URB1: variants seen among roughly 807,000 people sequenced by gnomAD.
URB1 encodes the protein nucleolar pre-ribosomal-associated protein 1.
Under a neutral mutation model 242.3 loss-of-function variants are expected in URB1, and 197 were observed. The ratio of observed to expected loss-of-function variants is 0.81; its 90% CI spans 0.72 to 0.91. The LOEUF is 0.91. Among genes scored for constraint, URB1 ranks in the 40% least tolerant of loss-of-function variants. The pLI, the probability that URB1 is intolerant of heterozygous loss-of-function variation, is 0.00. For missense variants in URB1, 2,721 were observed against 2,860.5 expected, an observed-to-expected ratio of 0.95 and a Z score of 1.11; for synonymous variants, 1,153 against 1,201.8, an observed-to-expected ratio of 0.96 and a Z score of 0.84.
At chr21:32,369,316 T>C (rs2033381732) in intron 8 of URB1, among the ~76,000 whole-genome samples, 1 of 152,086 alleles carries the variant, frequency 6.6e-6, no homozygotes, top group Non-Finnish European at 1.5e-5. Flanking sequence ...TGAGCTGAGA[T>C]TGCACCACTG....
intron 13 of URB1, 30 bp downstream of exon 13, chr21:32,360,977 G>A: frequency 6.8e-7 from 1 of 1,479,632 alleles, no homozygotes; most frequent in Non-Finnish European, 9.2e-7. Flanking sequence ...AGCAACAGTG[G>A]CGGCTTGTCT....
At chr21:32,362,752 A>G (rs1324051731) in intron 11 of URB1, among the ~76,000 whole-genome samples, 1 of 152,164 alleles carries the variant, frequency 6.6e-6, no homozygotes, top group East Asian at 1.9e-4. Context: ...TTCCTGAGCC[A>G]CTGCATCCCT....
rs2033460349 is a variant in URB1, at chr21:32,376,521, T to A, written c.665-1038A>T. On this transcript the variant is annotated intron_variant, in intron 5 of 38. Coordinates refer to ENST00000382751, the MANE Select transcript of URB1 (RefSeq NM_014825.3). ...CTGTTAACATCATCTGAGTTAACTA[T>A]TACCCTTCTGATGTATTCATGCTAC... 2.0e-5 allele frequency among the ~76,000 whole-genome samples: 3 copies of A among 152,052 alleles called. No individual in the cohort carries two copies. The South Asian group carries it at 6.2e-4, about 32-fold the overall frequency.
chr21:32,347,402 G>A lies in URB1; in HGVS notation c.3422C>T (p.Thr1141Met), dbSNP rs980602305. The change falls in exon 22 of 39, where the codon ACG becomes ATG. Residue 1141 changes from threonine (T) to methionine (M), a missense_variant. Transcript: ENST00000382751. ...PETHLVTQQP[T>M]KSPGKERHLN... The stretch of plus-strand genomic sequence containing the variant: ...GTGTCTTTCCTTCCCGGGGGATTTC[G>A]TGGGTTGCTGGGTCACCAGGTGTGT... 19 of 1,551,418 alleles carry A rather than the reference G, an allele frequency of 1.2e-5. No individual in the cohort carries two copies. Among genetic ancestry groups the A allele is most frequent in the Admixed American group, 3.9e-5 (2 of 50,990 alleles).
At chr21:32,361,853 G>A in intron 12 of URB1, 39 bp downstream of exon 12, 2 of 1,544,880 alleles carry the variant, frequency 1.3e-6, no homozygotes, top group Non-Finnish European at 1.7e-6. Context: ...TCTGTCCCAT[G>A]CAAAAGGCAG....
chr21:32,386,618 G>A (rs971597375), intron 1 of URB1, among the ~76,000 whole-genome samples: 1 of 152,168 alleles, frequency 6.6e-6, no homozygotes, highest in African/African-American at 2.4e-5. Context: ...TACTGAGTCT[G>A]GCAATGACTC....
chr21:32,322,379 G>T, intron 33 of URB1, 99 bp downstream of exon 33: 1 of 1,106,574 alleles, frequency 9.0e-7, no homozygotes, highest in Non-Finnish European at 1.3e-6. Context: ...TGTTGGCCGT[G>T]CAGCATACAG....
In URB1 at chr21:32,312,110, G is replaced by A; in HGVS notation, c.*2808C>T. On this transcript the variant is annotated 3_prime_UTR_variant, in exon 39 of 39. Transcript: ENST00000382751. ...TGCATGTAGCAGAAAGGGCACCTAGGTCAAGTGCAACTAGAGCAGGAGCAT... is the reference window on the plus strand; with the variant it reads ...TGCATGTAGCAGAAAGGGCACCTAGATCAAGTGCAACTAGAGCAGGAGCAT... 6.4e-7 allele frequency: 1 copy of A among 1,569,764 alleles called. No individual in the cohort carries two copies. Among genetic ancestry groups the A allele is most frequent in the Non-Finnish European group, 8.6e-7 (1 of 1,164,472 alleles).
chr21:32,368,435 T>C lies in URB1; in HGVS notation c.1165A>G (p.Thr389Ala), dbSNP rs1024735379. The change falls in exon 9 of 39, where the codon ACT (threonine) becomes GCT (alanine). Residue 389 changes from threonine to alanine, a missense_variant. Physicochemically the swap from Thr to Ala is moderately conservative, Grantham distance 58. Coordinates refer to ENST00000382751, the MANE Select transcript of URB1 (RefSeq NM_014825.3). ...TFSFIPRAKS[T>A]WLNNIKLLNK... ...AGTAGTTTGATATTATTTAACCAAG[T>C]AGACTTCGCTCGTGGGATAAAGGAA... 6.5e-7 allele frequency: 1 copy of C among 1,549,138 alleles called. No homozygotes were observed. The highest frequency in any genetic ancestry group is 1.2e-5 in the South Asian group (1 of 83,420).
intron 17 of URB1, 23 bp from the exon 18 acceptor site, chr21:32,354,126 CAGCTGATGTGAG>C: frequency 6.4e-7 from 1 of 1,551,204 alleles, no homozygotes; most frequent in Non-Finnish European, 8.7e-7. Flanking sequence ...GAGGAGAATC[CAGCTGATGTGAG>C]AGCCACTGAA....
Position 32,349,381 on chromosome 21 carries a change from A to C in URB1, c.2935T>G (p.Cys979Gly), listed in dbSNP as rs1284610403. 3 of 1,551,538 alleles carry C rather than the reference A, an allele frequency of 1.9e-6. No individual in the cohort carries two copies. Among genetic ancestry groups the C allele is most frequent in the Non-Finnish European group, 2.6e-6 (3 of 1,146,992 alleles). ...EQLDAQNQQR[C>G]EAARAEADLF... ...TCGGCTTCGGCCCGGGCGGCCTCGC[A>C]TCTCTGCTGGTTCTGGGCATCCAGC... The change falls in exon 21 of 39, where the codon TGC (cysteine) becomes GGC (glycine). Residue 979 changes from cysteine (C) to glycine (G), a missense_variant. Physicochemically the swap from Cys to Gly is radical, Grantham distance 159. Coordinates refer to ENST00000382751, the MANE Select transcript of URB1 (RefSeq NM_014825.3).
intron 34 of URB1, among the ~76,000 whole-genome samples, chr21:32,321,152 G>C (rs1301358750): frequency 6.6e-6 from 1 of 152,222 alleles, no homozygotes; most frequent in East Asian, 1.9e-4. Context: ...ATTCAAATGG[G>C]CTTCTTAATC....
At chr21:32,382,033 G>A (rs910706729) in intron 4 of URB1, among the ~76,000 whole-genome samples, 2 of 152,200 alleles carry the variant, frequency 1.3e-5, no homozygotes, top group Non-Finnish European at 2.9e-5. Context: ...TACAGATCCT[G>A]GAGAGGTAAA....
chr21:32,382,679 T>C (rs751374673), intron 4 of URB1, among the ~76,000 whole-genome samples: 4 of 152,050 alleles, frequency 2.6e-5, no homozygotes, highest in Admixed American at 2.6e-4. Flanking sequence ...CCAGGGCTGT[T>C]CACAGCACTG....
Position 32,363,327 on chromosome 21 carries a change from C to A in URB1, c.1338G>T (p.Leu446Phe), listed in dbSNP as rs2033310183. ...NKSMFTQALN[L>F]DSTSVRHTAL... ...CTGTGTGCCTCACTGAGGTGCTGTC[C>A]AACTGGGAAGAAAAAGAGTTAAATG... The change falls in exon 11 of 39, where the codon TTG (leucine) becomes TTT (phenylalanine). Residue 446 changes from leucine to phenylalanine, a missense_variant and splice_region_variant. Coordinates refer to ENST00000382751, the MANE Select transcript of URB1 (RefSeq NM_014825.3). The A allele has an allele frequency of 1.9e-6, 3 of 1,550,942 alleles. No individual in the cohort carries two copies. In the African/African-American group the frequency reaches 4.1e-5, roughly 21 times the overall value.
At position 32,350,860 on chromosome 21, in the gene URB1, G is replaced by A. The variant is rs748714504; in HGVS notation, c.2676C>T (p.Ala892=). ...PALPLASSFT[A]LLQAAYESQA... is the part of the protein sequence containing the mutation. ...GGCTCTCGTAGGCTGCCTGCAGCAGGGCTGTGAAGGACGAGGCCAAGGGAA... is the reference window on the plus strand; with the variant it reads ...GGCTCTCGTAGGCTGCCTGCAGCAGAGCTGTGAAGGACGAGGCCAAGGGAA... The change falls in exon 20 of 39, where the codon GCC becomes GCT. Residue 892 remains alanine, a synonymous_variant. Transcript: ENST00000382751. 24 of 1,550,902 alleles carry A rather than the reference G, an allele frequency of 1.5e-5. No homozygotes were observed. In the African/African-American group the frequency reaches 3.3e-4, roughly 21 times the overall value.
Position 32,350,686 on chromosome 21 carries a change from G to C in URB1, c.2832+18C>G, listed in dbSNP as rs1434224980. On this transcript the variant is annotated intron_variant, in intron 20 of 38. Transcript: ENST00000382751. ...TGGCAGAGCTCTGAAGCCTGTGGAG[G>C]ATGGGGGCAACGCTGACCTGGCCGA... is the stretch of plus-strand genomic sequence containing the variant. 1.9e-6 allele frequency: 3 copies of C among 1,548,462 alleles called. No homozygotes were observed. In the South Asian group the frequency reaches 3.6e-5, roughly 18 times the overall value.
chr21:32,353,042 A>G, intron 18 of URB1, 136 bp from the exon 19 acceptor site: 1 of 894,720 alleles, frequency 1.1e-6, no homozygotes, highest in Non-Finnish European at 1.7e-6. Context: ...ACATAACCAC[A>G]GGGAAGGAAT....
intron 1 of URB1, among the ~76,000 whole-genome samples, chr21:32,390,614 C>T (rs552831307): frequency 2.0e-5 from 3 of 152,256 alleles, no homozygotes; most frequent in African/African-American, 7.2e-5. Flanking sequence ...TGTGCACAAG[C>T]TCTTTAGTTT....
Sources: allele counts gnomAD v4.1 joint callset (sites outside exome capture counted in the v4.1 genomes callset), GRCh38; gene constraint gnomAD v4.1.1; transcripts MANE v1.5; gene names NCBI Gene and HGNC (gene_info 2026-07-23, HGNC 2026-07-21).